The following CFH variants were observed in gnomAD, a reference collection of about 807,000 sequenced individuals.
CFH encodes complement factor H, also known as H factor 1 (complement).
CFH carries 53 observed loss-of-function variants against 147.3 expected under a neutral mutation model. The observed-to-expected ratio is 0.36, with a 90% CI of 0.29 to 0.45. The LOEUF (loss-of-function observed/expected upper bound fraction) is 0.45. Ranked by LOEUF, CFH falls within the 20% of genes least tolerant of loss-of-function variation. The pLI is 1.00. For synonymous variants in CFH, 536 were observed against 489.4 expected, an observed-to-expected ratio of 1.10 and a Z score of -1.26; for missense variants, 1,380 against 1,498.0, an observed-to-expected ratio of 0.92 and a Z score of 1.30.
At chr1:196,680,641 A>G (rs1254613719) in intron 6 of CFH, among the ~76,000 whole-genome samples, 1 of 151,876 alleles carries the variant, frequency 6.6e-6, no homozygotes, top group African/African-American at 2.4e-5. Context: ...AATTAGTGAA[A>G]CAAGGAACAG....
intron 9 of CFH, among the ~76,000 whole-genome samples, chr1:196,704,686 A>C (rs927221647): frequency 3.9e-5 from 6 of 152,208 alleles, no homozygotes; most frequent in African/African-American, 1.4e-4. Context: ...TTGAGAGAAA[A>C]GGCACAGCAA....
chr1:196,744,628 T>C (rs1652937977), intron 20 of CFH, among the ~76,000 whole-genome samples: 2 of 152,134 alleles, frequency 1.3e-5, no homozygotes, highest in Admixed American at 1.3e-4. Flanking sequence ...ATTTACACTC[T>C]CCACGTTGTA....
chr1:196,684,964 A>G lies in CFH; in HGVS notation c.791-100A>G, dbSNP rs534099696. ...TTTTAATGCCATTTTGTATTATGCT[A>G]AGGACAAATAAATAACACCCACTTT... On this transcript the variant is annotated intron_variant, in intron 6 of 21. Coordinates refer to ENST00000367429, the MANE Select transcript of CFH (RefSeq NM_000186.4). The G allele has an allele frequency of 9.9e-6, 9 of 905,306 alleles. No homozygotes were observed. The South Asian group carries it at 1.1e-4, about 12-fold the overall frequency. 56.1% of individuals were successfully genotyped at this position (905,306 alleles called of 1,614,324 possible).
chr1:196,673,021 A>T lies in CFH; in HGVS notation c.102A>T (p.Thr34=), dbSNP rs1667335883. ...CAAGAAGAAATACAGAAATTCTGAC[A>T]GGTTCCTGGTCTGACCAAACATATC... ...LPPRRNTEIL[T]GSWSDQTYPE... The change falls in exon 2 of 22, where the codon ACA becomes ACT. Residue 34 remains threonine, a synonymous_variant. Coordinates refer to ENST00000367429, the MANE Select transcript of CFH (RefSeq NM_000186.4). 1 of 1,613,996 alleles carries T rather than the reference A, an allele frequency of 6.2e-7. No homozygotes were observed. The highest frequency in any genetic ancestry group is 8.5e-7 in the Non-Finnish European group (1 of 1,179,968).
intron 11 of CFH, among the ~76,000 whole-genome samples, chr1:196,724,548 C>G (rs1378003591): frequency 6.6e-6 from 1 of 152,152 alleles, no homozygotes; most frequent in African/African-American, 2.4e-5. Flanking sequence ...CTATGAGGTC[C>G]CACAGGGTCC....
intron 9 of CFH, among the ~76,000 whole-genome samples, chr1:196,707,653 AAGAAATGTAG>A (rs1446787502): frequency 1.3e-5 from 2 of 152,194 alleles, no homozygotes; most frequent in African/African-American, 2.4e-5. Context: ...TTGTCCTATC[AAGAAATGTAG>A]AGAGGCCACT....
intron 9 of CFH, among the ~76,000 whole-genome samples, chr1:196,695,734 T>C (rs1311542383): frequency 6.6e-6 from 1 of 152,160 alleles, no homozygotes; most frequent in East Asian, 1.9e-4. Flanking sequence ...CCCTTGTAAG[T>C]TGTATTTCTA....
At chr1:196,685,363 C>A in intron 7 of CFH, 126 bp downstream of exon 7, 1 of 1,012,902 alleles carries the variant, frequency 9.9e-7, no homozygotes, top group Non-Finnish European at 1.5e-6. Flanking sequence ...CTGTTGGAAG[C>A]ATTCTTTAGT....
chr1:196,666,654 A>AAT (rs1667099214), intron 1 of CFH, among the ~76,000 whole-genome samples: 1 of 151,150 alleles, frequency 6.6e-6, no homozygotes, highest in African/African-American at 2.4e-5. Context: ...AGAAAAAAAA[A>AAT]CCCAAAAAAT....
In CFH at chr1:196,741,937, G is replaced by A. The variant is rs534399; in HGVS notation, c.3019G>A (p.Val1007Met). 8 of 1,614,088 alleles carry A rather than the reference G, an allele frequency of 5.0e-6. No individual in the cohort carries two copies. The highest frequency in any genetic ancestry group is 6.8e-6 in the Non-Finnish European group (8 of 1,180,006). ...CATACCCATGGGAGAGAAGAAGGAT[G>A]TGTATAAGGCGGGTGAGCAAGTGAC... ...NAIPMGEKKD[V>M]YKAGEQVTYT... The change falls in exon 19 of 22, where the codon GTG (valine) becomes ATG (methionine). Residue 1007 changes from valine (V) to methionine (M), a missense_variant. Physicochemically the swap from Val to Met is conservative, Grantham distance 21. Coordinates refer to ENST00000367429, the MANE Select transcript of CFH (RefSeq NM_000186.4).
chr1:196,719,295 C>T (rs1668943582), intron 11 of CFH, among the ~76,000 whole-genome samples: 1 of 151,774 alleles, frequency 6.6e-6, no homozygotes, highest in Admixed American at 6.6e-5. Flanking sequence ...ATGCTTTTCA[C>T]AATATTACAA....
intron 9 of CFH, among the ~76,000 whole-genome samples, chr1:196,694,848 GTTGT>G (rs1409371577): frequency 1.8e-4 from 28 of 152,250 alleles, no homozygotes; most frequent in African/African-American, 6.3e-4. Context: ...TTTTGATGGG[GTTGT>G]TTGTTTCTTT....
chr1:196,701,048 A>G (rs1668434739), intron 9 of CFH, among the ~76,000 whole-genome samples: 1 of 152,130 alleles, frequency 6.6e-6, no homozygotes, highest in South Asian at 2.1e-4. Context: ...CTTCAGATGG[A>G]AAAAGACTAG....
intron 1 of CFH, among the ~76,000 whole-genome samples, chr1:196,655,343 C>T (rs1412800342): frequency 1.3e-5 from 2 of 152,138 alleles, no homozygotes; most frequent in African/African-American, 2.4e-5. Flanking sequence ...AGAAATGGCA[C>T]GAGCCTGAGA....
In CFH at chr1:196,740,690, G is replaced by A. The variant is rs1238784995; in HGVS notation, c.2854G>A (p.Gly952Arg). ...TCACATGTCAGACAGTTATCAGTAT[G>A]GAGAAGAAGTTACGTACAAATGTTT... ...VAHMSDSYQYGEEVTYKCFEG... is the reference protein window; with the variant it reads ...VAHMSDSYQYREEVTYKCFEG... Residue 952 changes from glycine (G) to arginine (R), a missense_variant, in exon 18 of 22, where the codon GGA becomes AGA. Gly to Arg is a moderately radical substitution (Grantham distance 125, BLOSUM62 -2). Coordinates refer to ENST00000367429, the MANE Select transcript of CFH (RefSeq NM_000186.4). The A allele has an allele frequency of 6.2e-7, 1 of 1,613,900 alleles. No individual in the cohort carries two copies. The highest frequency in any genetic ancestry group is 1.3e-5 in the African/African-American group (1 of 74,982).
chr1:196,745,780 C>G, intron 20 of CFH, 37 bp from the exon 21 acceptor site: 1 of 1,613,458 alleles, frequency 6.2e-7, no homozygotes, highest in African/African-American at 1.3e-5. Context: ...TTGATTTGCT[C>G]TCACAACAAA....
chr1:196,683,811 G>A (rs2149084547), intron 6 of CFH, among the ~76,000 whole-genome samples: 1 of 151,918 alleles, frequency 6.6e-6, no homozygotes, highest in South Asian at 2.1e-4. Flanking sequence ...TGTTTTGTGT[G>A]AATGGAGACT....
chr1:196,695,985 A>G (rs551881284), intron 9 of CFH, among the ~76,000 whole-genome samples: 1 of 151,972 alleles, frequency 6.6e-6, no homozygotes, highest in South Asian at 2.1e-4. Context: ...CTATTTGAAT[A>G]CTCCTTATTT....
chr1:196,736,705 G>A (rs917816083), intron 15 of CFH, 119 bp from the exon 16 acceptor site: 16 of 393,114 alleles, frequency 4.1e-5, no homozygotes, highest in Non-Finnish European at 5.7e-5. Flanking sequence ...AACAGTTATT[G>A]ATCTTTCTAT....
Sources: allele counts gnomAD v4.1 joint callset (sites outside exome capture counted in the v4.1 genomes callset), GRCh38; gene constraint gnomAD v4.1.1; transcripts MANE v1.5; gene names NCBI Gene and HGNC (gene_info 2026-07-23, HGNC 2026-07-21).